CYB5R1: variants seen among roughly 807,000 people sequenced by gnomAD.
CYB5R1 encodes NADH-cytochrome b5 reductase 1.
CYB5R1 carries 32 observed loss-of-function variants against 37.4 expected under a neutral mutation model. The observed-to-expected ratio is 0.86, with a 90% CI of 0.65 to 1.15. The LOEUF (loss-of-function observed/expected upper bound fraction) is 1.15, where lower values mean the gene tolerates loss of function less well. Ranked by LOEUF, CYB5R1 falls within the 50% of genes most tolerant of loss-of-function variation. The pLI is 0.00. For synonymous variants in CYB5R1, 159 were observed against 155.2 expected (o/e 1.02, Z -0.18); for missense variants, 345 against 382.5 (o/e 0.90, Z 0.82).
In CYB5R1 at chr1:202,966,743, A is replaced by G. The variant is rs750856508; in HGVS notation, c.165+6T>C. Reference sequence around the variant, plus strand: ...CTTCACCCTGGCCCTTTCTTCCCCAACTTACCGTCTTGTCTAGCAGTCGTA... The same window carrying G: ...CTTCACCCTGGCCCTTTCTTCCCCAGCTTACCGTCTTGTCTAGCAGTCGTA... On this transcript the variant is annotated splice_donor_region_variant and intron_variant, in intron 2 of 8. Coordinates refer to ENST00000367249, the MANE Select transcript of CYB5R1 (RefSeq NM_016243.3). 1.1e-5 allele frequency: 18 copies of G among 1,613,468 alleles called. No individual in the cohort carries two copies. Among genetic ancestry groups the G allele is most frequent in the Non-Finnish European group, 1.4e-5 (16 of 1,179,736 alleles).
Position 202,965,752 on chromosome 1 carries a change from T to C in CYB5R1, c.345+135A>G, listed in dbSNP as rs1384755263. 4.2e-6 allele frequency: 3 copies of C among 722,790 alleles called. No homozygotes were observed. The East Asian group carries it at 8.3e-5, about 20-fold the overall frequency. 44.8% of individuals were successfully genotyped at this position (722,790 alleles called of 1,614,324 possible). On this transcript the variant is annotated intron_variant, in intron 4 of 8. Transcript: ENST00000367249. ...GGTTCAAGTGAGTCTCCTGCCTCAG[T>C]CTCCTGAGTAGCTCATACTTTCTTC... is the stretch of plus-strand genomic sequence containing the variant.
intron 5 of CYB5R1, chr1:202,965,150 C>G: frequency 1.8e-6 from 1 of 559,962 alleles, no homozygotes. Context: ...GTAATCTCCA[C>G]AGCTGCCATG....
At chr1:202,966,654 C>A (rs1168343450) in intron 2 of CYB5R1, 54 bp from the exon 3 acceptor site, 3 of 1,613,650 alleles carry the variant, frequency 1.9e-6, no homozygotes, top group East Asian at 4.5e-5. Context: ...GCTGCCACGT[C>A]CCTTGGACAT....
chr1:202,966,052 A>C, intron 3 of CYB5R1, 59 bp from the exon 4 acceptor site: 1 of 1,093,982 alleles, frequency 9.1e-7, no homozygotes, highest in Non-Finnish European at 1.4e-6. Flanking sequence ...ATCCCTCAAA[A>C]TACTCAAAGA....
In CYB5R1 at chr1:202,965,431, T is replaced by G; in HGVS notation, c.415A>C (p.Lys139Gln). Residue 139 changes from lysine to glutamine, a missense_variant, in exon 5 of 9, where the codon AAG (lysine) becomes CAG (glutamine). Coordinates refer to ENST00000367249, the MANE Select transcript of CYB5R1 (RefSeq NM_016243.3). ...GKMSQYLDSL[K>Q]VGDVVEFRGP... ...CGAAACTCCACCACATCCCCAACCT[T>G]CAGGCTATCCAGGTACTGAGACATC... 3 of 1,608,584 alleles carry G rather than the reference T, an allele frequency of 1.9e-6. No homozygotes were observed. Among genetic ancestry groups the G allele is most frequent in the Non-Finnish European group, 2.5e-6 (3 of 1,177,318 alleles).
Position 202,963,669 on chromosome 1 carries a change from G to C in CYB5R1, c.618C>G (p.Thr206=), listed in dbSNP as rs755548391. 1 of 1,609,934 alleles carries C rather than the reference G, an allele frequency of 6.2e-7. No homozygotes were observed. The highest frequency in any genetic ancestry group is 1.3e-5 in the African/African-American group (1 of 74,794). ...GGTTGGCAAAAAGCAGAAAGCACTGGGTTGGATCTTCAGGGACTTTCAGGA... is the reference window on the plus strand; with the variant it reads ...GGTTGGCAAAAAGCAGAAAGCACTGCGTTGGATCTTCAGGGACTTTCAGGA... ...RAILKVPEDP[T]QCFLLFANQT... is the part of the protein sequence containing the mutation. Residue 206 remains threonine, a synonymous_variant, in exon 7 of 9, where the codon ACC becomes ACG. Coordinates refer to ENST00000367249, the MANE Select transcript of CYB5R1 (RefSeq NM_016243.3).
chr1:202,967,247 T>A lies in CYB5R1; in HGVS notation c.-42A>T, dbSNP rs1237940475. ...CTCCACCACCTGACAAGCCGACAGA[T>A]CCCACAATGCGCCGCGGGGCGGGTC... On this transcript the variant is annotated 5_prime_UTR_variant, in exon 1 of 9. Transcript: ENST00000367249. The A allele has an allele frequency of 2.2e-6, 3 of 1,382,848 alleles. No homozygotes were observed. Among genetic ancestry groups the A allele is most frequent in the Non-Finnish European group, 2.9e-6 (3 of 1,023,700 alleles). 85.7% of individuals were successfully genotyped at this position (1,382,848 alleles called of 1,614,324 possible).
chr1:202,967,091 CGGGGCGGG>C, intron 1 of CYB5R1, 92 bp downstream of exon 1: 2 of 1,491,032 alleles, frequency 1.3e-6, no homozygotes, highest in Admixed American at 1.9e-5. Flanking sequence ...CAGAGCCCTG[CGGGGCGGG>C]GTCGGCAGCG....
rs775692680 is a variant in CYB5R1, at chr1:202,962,536, G to A, written c.909C>T (p.Phe303=). ...GGAAGCTGGAGGATGCTCAGTAGGT[G>A]AATCGCATCTTTTGTGAGTAGCCCA... ...DKLGYSQKMR[F]TY Residue 303 remains phenylalanine (F), a synonymous_variant, in exon 9 of 9, where the codon TTC becomes TTT. Transcript: ENST00000367249. 2 of 1,609,208 alleles carry A rather than the reference G, an allele frequency of 1.2e-6. No individual in the cohort carries two copies. The highest frequency in any genetic ancestry group is 1.1e-5 in the South Asian group (1 of 90,756).
Position 202,966,750 on chromosome 1 carries a change from G to A in CYB5R1, c.164C>T (p.Thr55Met), listed in dbSNP as rs199636712. 8.8e-5 allele frequency: 142 copies of A among 1,613,892 alleles called. No homozygotes were observed. The Admixed American group carries it at 2.3e-3, about 26-fold the overall frequency. The change falls in exon 2 of 9, where the codon ACG becomes ATG. Residue 55 changes from threonine (T) to methionine (M), a missense_variant and splice_region_variant. Transcript: ENST00000367249. ...CTGGCCCTTTCTTCCCCAACTTACC[G>A]TCTTGTCTAGCAGTCGTAGCAGGTA... ...EKYLLRLLDK[T>M]TVSHNTKRFR...
In CYB5R1 at chr1:202,962,390, C is replaced by A; in HGVS notation, c.*137G>T. The A allele has an allele frequency of 1.9e-6, 2 of 1,058,798 alleles. No homozygotes were observed. The highest frequency in any genetic ancestry group is 2.7e-6 in the Non-Finnish European group (2 of 732,558). 65.6% of individuals were successfully genotyped at this position (1,058,798 alleles called of 1,614,324 possible). ...CATGGCTACAGGAATATTGTTCCTG[C>A]AGGTACTATCCAGATTTCAGCTCTA... is the stretch of plus-strand genomic sequence containing the variant. On this transcript the variant is annotated 3_prime_UTR_variant, in exon 9 of 9. Transcript: ENST00000367249.
At chr1:202,962,737 A>C in intron 8 of CYB5R1, 38 bp from the exon 9 acceptor site, 1 of 1,609,640 alleles carries the variant, frequency 6.2e-7, no homozygotes, top group Non-Finnish European at 8.5e-7. Flanking sequence ...AATACTCCAG[A>C]TACATGCTGG....
intron 5 of CYB5R1, chr1:202,965,004 A>G: frequency 2.2e-6 from 1 of 463,580 alleles, no homozygotes; most frequent in South Asian, 2.4e-5. Flanking sequence ...CAAGTGGCAC[A>G]CAGCAGCTCC....
In CYB5R1 at chr1:202,963,056, G is replaced by A. The variant is rs1655023381; in HGVS notation, c.745+10C>T. ...GGGGATAGTGGGATGTCCAGAAATG[G>A]GAAGGATACCTTTTGGGGGATGATC... is the stretch of plus-strand genomic sequence containing the variant. On this transcript the variant is annotated intron_variant, in intron 8 of 8. Coordinates refer to ENST00000367249, the MANE Select transcript of CYB5R1 (RefSeq NM_016243.3). 1.9e-6 allele frequency: 3 copies of A among 1,610,290 alleles called. No homozygotes were observed. The highest frequency in any genetic ancestry group is 2.5e-6 in the Non-Finnish European group (3 of 1,176,506).
At chr1:202,963,594 A>G in intron 7 of CYB5R1, 48 bp downstream of exon 7, 1 of 1,406,984 alleles carries the variant, frequency 7.1e-7, no homozygotes, top group South Asian at 1.3e-5. Flanking sequence ...TCTCAGCCCT[A>G]CCCACACAGC....
chr1:202,962,785 G>A, intron 8 of CYB5R1, 86 bp from the exon 9 acceptor site: 1 of 1,502,478 alleles, frequency 6.7e-7, no homozygotes, highest in Admixed American at 1.9e-5. Flanking sequence ...GGAGGGCCCT[G>A]AAAGGCTCTG....
In CYB5R1 at chr1:202,963,726, T is replaced by G. The variant is rs767690573; in HGVS notation, c.561A>C (p.Gly187=). 1 of 1,603,778 alleles carries G rather than the reference T, an allele frequency of 6.2e-7. No homozygotes were observed. Among genetic ancestry groups the G allele is most frequent in the African/African-American group, 1.3e-5 (1 of 74,598 alleles). ...KKLGMIAGGT[G]ITPMLQLIRA... is the part of the protein sequence containing the mutation. ...GGATCAGCTGTAGCATTGGGGTGAT[T>G]CCTGCATGAAGATACCCCACAGTGA... Residue 187 remains glycine (G), a splice_region_variant and synonymous_variant, in exon 7 of 9, where the codon GGA becomes GGC. Coordinates refer to ENST00000367249, the MANE Select transcript of CYB5R1 (RefSeq NM_016243.3).
rs563982812 is a variant in CYB5R1, at chr1:202,965,274, C to T, written c.475+97G>A. 58 of 1,372,312 alleles carry T rather than the reference C, an allele frequency of 4.2e-5. 1 individual carries two copies. In the South Asian group the frequency reaches 7.6e-4, roughly 18 times the overall value. 85.0% of individuals were successfully genotyped at this position (1,372,312 alleles called of 1,614,324 possible). A position where few individuals can be genotyped will look rare whatever the true frequency, so the allele number is the denominator to read the frequency against. On this transcript the variant is annotated intron_variant, in intron 5 of 8. Coordinates refer to ENST00000367249, the MANE Select transcript of CYB5R1 (RefSeq NM_016243.3). ...GAAGGAAGGGCGGCCCTGGCCCTTA[C>T]GTGCATACACATGTGTACACACAGC...
Position 202,964,651 on chromosome 1 carries a change from G to A in CYB5R1, c.520C>T (p.Arg174Ter), listed in dbSNP as rs2232845. 2.4e-5 allele frequency: 38 copies of A among 1,613,856 alleles called. No homozygotes were observed. The African/African-American group carries it at 2.8e-4, about 12-fold the overall frequency. Residue 174 changes from arginine (R) to a stop codon, truncating the protein, a stop_gained, in exon 6 of 9, where the codon CGA (arginine) becomes TGA (stop). Transcript: ENST00000367249. LOFTEE classifies it high-confidence loss of function. The part of the protein sequence containing the change: ...QPNKKSPPEP[R>*]VAKKLGMIAG... ...ATCATTCCCAGTTTCTTCGCCACTC[G>A]GGGTTCTGGTGGAGATTTCTTGTTG... is the stretch of plus-strand genomic sequence containing the variant.
Sources: gnomAD v4.1 joint callset for allele counts on GRCh38, gnomAD v4.1.1 for gene constraint, MANE v1.5 for transcripts, NCBI Gene and HGNC (gene_info 2026-07-23, HGNC 2026-07-21) for gene names.